Variants in ROBO2 observed in about 807,000 individuals in gnomAD.
ROBO2 encodes roundabout homolog 2.
ROBO2 carries 53 observed loss-of-function variants against 160.8 expected under a neutral mutation model. That is an observed-to-expected ratio of 0.33 (90% CI 0.26 to 0.41). The LOEUF (loss-of-function observed/expected upper bound fraction) is 0.41. ROBO2 is among the 10% of genes least tolerant of loss of function. ROBO2 has a pLI of 1.00. For missense variants in ROBO2, 1,577 were observed against 1,722.4 expected, an observed-to-expected ratio of 0.92 and a Z score of 1.49; for synonymous variants, 664 against 611.7, an observed-to-expected ratio of 1.09 and a Z score of -1.26.
intron 2 of ROBO2, among the ~76,000 whole-genome samples, chr3:77,370,936 G>C (rs1581418281): frequency 6.6e-6 from 1 of 152,270 alleles, no homozygotes; most frequent in South Asian, 2.1e-4. Context: ...TGAGCTGAAA[G>C]TTTCCATAAA....
At chr3:76,742,563 A>G (rs1440432090) in intron 2 of ROBO2, among the ~76,000 whole-genome samples, 1 of 152,126 alleles carries the variant, frequency 6.6e-6, no homozygotes, top group East Asian at 1.9e-4. Flanking sequence ...CCCCAAATGA[A>G]GATTTTTTTT....
At chr3:77,488,977 A>C (rs1222210709) in intron 4 of ROBO2, among the ~76,000 whole-genome samples, 2 of 152,224 alleles carry the variant, frequency 1.3e-5, no homozygotes, top group Non-Finnish European at 2.9e-5. Context: ...TCTGTGGGTA[A>C]TTATGAAAAT....
At chr3:76,854,018 TTCTC>T (rs573633101) in intron 2 of ROBO2, among the ~76,000 whole-genome samples, 7,070 of 116,902 alleles carry the variant, frequency 0.06, 179 homozygotes, top group East Asian at 0.1. Flanking sequence ...AGCATAGACT[TTCTC>T]TCTCTCTCTC....
intron 2 of ROBO2, among the ~76,000 whole-genome samples, chr3:76,324,005 G>A (rs2072800168): frequency 6.6e-6 from 1 of 152,092 alleles, no homozygotes; most frequent in South Asian, 2.1e-4. Flanking sequence ...TTGAGAAATG[G>A]TAGAAGTTCT....
chr3:77,593,149 A>G (rs1377647079), intron 17 of ROBO2, among the ~76,000 whole-genome samples: 1 of 152,020 alleles, frequency 6.6e-6, no homozygotes, highest in Non-Finnish European at 1.5e-5. Context: ...CATATTCACA[A>G]TGATATTCAC....
rs563465512 is a variant in ROBO2 at position 76,794,685 on chromosome 3, A to G, written c.110-303329A>G. Among the ~76,000 whole-genome samples, 6 of 152,208 alleles carry G rather than the reference A, an allele frequency of 3.9e-5. No individual in the cohort carries two copies. The South Asian group carries it at 1.2e-3, about 32-fold the overall frequency. ...TTAAATACAGGTAGCAATATAAAAT[A>G]TGCCCAGACTAAATCATTTGTGACA... is the stretch of plus-strand genomic sequence containing the variant. On this transcript the variant is annotated intron_variant, in intron 2 of 26. Transcript: ENST00000487694.
intron 2 of ROBO2, among the ~76,000 whole-genome samples, chr3:76,486,423 G>C (rs993367306): frequency 2.0e-5 from 3 of 152,152 alleles, no homozygotes; most frequent in African/African-American, 4.8e-5. Flanking sequence ...GACGCACATT[G>C]AGTCATGACA....
intron 2 of ROBO2, among the ~76,000 whole-genome samples, chr3:76,792,601 TAAAGTTTGAAA>T: frequency 6.6e-6 from 1 of 151,750 alleles, no homozygotes; most frequent in South Asian, 2.1e-4. Context: ...ATATTACATA[TAAAGTTTGAAA>T]ATTTTTTTTT....
intron 2 of ROBO2, among the ~76,000 whole-genome samples, chr3:76,368,563 C>T (rs780043990): frequency 7.2e-5 from 11 of 151,942 alleles, no homozygotes; most frequent in Non-Finnish European, 1.6e-4. Context: ...ACCTGACCAT[C>T]TCAGCATGAT....
At chr3:76,507,814 T>C (rs2080871191) in intron 2 of ROBO2, among the ~76,000 whole-genome samples, 3 of 152,122 alleles carry the variant, frequency 2.0e-5, no homozygotes. Flanking sequence ...CAATCCGTTC[T>C]TTCTACCACT....
In ROBO2 at chr3:77,329,830, C is replaced by T. The variant is rs752963238; in HGVS notation, c.389-147584C>T. Among the ~76,000 whole-genome samples, 87 of 152,054 alleles carry T rather than the reference C, an allele frequency of 5.7e-4. 1 individual carries two copies. The highest frequency in any genetic ancestry group is 1.0e-4 in the Non-Finnish European group (7 of 68,012). ...CTCTGCTTTTGGTGTTATGTGAGGG[C>T]GGCACAATGACAGAAACAATGGTAG... On this transcript the variant is annotated intron_variant, in intron 2 of 25. Coordinates refer to ENST00000461745, the Ensembl canonical transcript of ROBO2.
At chr3:77,258,916 G>A (rs996601214) in intron 2 of ROBO2, among the ~76,000 whole-genome samples, 4 of 152,186 alleles carry the variant, frequency 2.6e-5, no homozygotes, top group Admixed American at 2.0e-4. Context: ...TTGATTGGAT[G>A]GTGCTGGATT....
At chr3:76,202,091 T>TA (rs1344702101) in intron 2 of ROBO2, among the ~76,000 whole-genome samples, 1 of 152,136 alleles carries the variant, frequency 6.6e-6, no homozygotes, top group African/African-American at 2.4e-5. Flanking sequence ...AGCTCATCTC[T>TA]ACTCCCCTGA....
chr3:77,591,069 T>C (rs1216959684), intron 17 of ROBO2, among the ~76,000 whole-genome samples: 9 of 152,098 alleles, frequency 5.9e-5, no homozygotes, highest in South Asian at 2.1e-4. Context: ...TCAGTAAATA[T>C]AAACAATTTA....
At chr3:75,995,150 TGAG>T (rs1390438219) in intron 2 of ROBO2, among the ~76,000 whole-genome samples, 5 of 152,146 alleles carry the variant, frequency 3.3e-5, no homozygotes, top group African/African-American at 1.2e-4. Context: ...GCATAAGTAA[TGAG>T]GAGCTAAATG....
intron 2 of ROBO2, among the ~76,000 whole-genome samples, chr3:76,445,778 A>T (rs528604666): frequency 6.6e-6 from 1 of 152,338 alleles, no homozygotes; most frequent in Admixed American, 6.5e-5. Flanking sequence ...AACAGAACCA[A>T]AGACAAAAAC....
chr3:76,286,275 A>G (rs1461131413), intron 2 of ROBO2, among the ~76,000 whole-genome samples: 3 of 152,186 alleles, frequency 2.0e-5, no homozygotes, highest in African/African-American at 7.2e-5. Context: ...CAGGATGTAG[A>G]AAACTATATA....
intron 2 of ROBO2, among the ~76,000 whole-genome samples, chr3:76,486,540 A>C (rs574691450): frequency 1.3e-5 from 2 of 152,284 alleles, no homozygotes; most frequent in Non-Finnish European, 2.9e-5. Context: ...TTTTCCAAAA[A>C]AATGTTTACT....
At chr3:76,586,856 T>G (rs1274804065) in intron 2 of ROBO2, among the ~76,000 whole-genome samples, 1 of 152,220 alleles carries the variant, frequency 6.6e-6, no homozygotes, top group Non-Finnish European at 1.5e-5. Flanking sequence ...TTGTAGTGGC[T>G]TTGCCACACT....
Sources: gnomAD v4.1 joint callset for allele counts (sites outside exome capture counted in the v4.1 genomes callset) on GRCh38, gnomAD v4.1.1 for gene constraint, MANE v1.5 for transcripts, NCBI Gene and HGNC (gene_info 2026-07-23, HGNC 2026-07-21) for gene names.